GFRA3: variants seen among roughly 807,000 people sequenced by gnomAD.
The protein encoded by GFRA3 is GDNF family receptor alpha 3, also known as GDNF family receptor alpha-3.
GFRA3 carries 24 observed loss-of-function variants against 40.0 expected under a neutral mutation model. The observed-to-expected ratio is 0.60, with a 90% CI of 0.43 to 0.84. The LOEUF (loss-of-function observed/expected upper bound fraction) is 0.84. GFRA3 is among the 40% of genes least tolerant of loss of function. The pLI is 0.00. For synonymous variants in GFRA3, 203 were observed against 213.5 expected (o/e 0.95, Z 0.43); for missense variants, 405 against 530.6 (o/e 0.76, Z 2.33).
intron 1 of GFRA3, among the ~76,000 whole-genome samples, chr5:138,272,757 C>A (rs1193223999): frequency 6.6e-6 from 1 of 152,118 alleles, no homozygotes; most frequent in Non-Finnish European, 1.5e-5. Flanking sequence ...TTTGACAAGT[C>A]ATGCCTTTTC....
At chr5:138,263,084 C>T (rs1366628064) in intron 2 of GFRA3, among the ~76,000 whole-genome samples, 2 of 152,276 alleles carry the variant, frequency 1.3e-5, no homozygotes, top group Admixed American at 1.3e-4. Context: ...CCTGCCTCAG[C>T]TTCCCAAGTA....
At chr5:138,270,793 A>C (rs1176875211) in intron 1 of GFRA3, among the ~76,000 whole-genome samples, 2 of 151,326 alleles carry the variant, frequency 1.3e-5, no homozygotes, top group Non-Finnish European at 2.9e-5. Flanking sequence ...GTACAAGATG[A>C]AAAAAAAAGC....
chr5:138,259,716 C>T (rs1210453668), intron 2 of GFRA3, 67 bp from the exon 3 acceptor site: 8 of 792,864 alleles, frequency 1.0e-5, no homozygotes, highest in Non-Finnish European at 1.9e-5. Flanking sequence ...GGGGCTGAAG[C>T]TGCTGGCTCA....
chr5:138,264,705 A>T (rs1755757268), intron 1 of GFRA3, among the ~76,000 whole-genome samples, 157 bp from the exon 2 acceptor site: 1 of 152,136 alleles, frequency 6.6e-6, no homozygotes, highest in African/African-American at 2.4e-5. Context: ...AGAGAGAGAG[A>T]AGCCCAGCAG....
rs372694044 is a variant in GFRA3 at position 138,257,704 on chromosome 5, C to T, written c.720G>A (p.Ala240=). ...RRRNTIAPNC[A]LPPVAPNCLE... ...GGCAGTTGGGGGCCACAGGCGGCAGCGCGCAGTTGGGGGCGATGGTGTTGC... is the reference window on the plus strand; with the variant it reads ...GGCAGTTGGGGGCCACAGGCGGCAGTGCGCAGTTGGGGGCGATGGTGTTGC... The change falls in exon 4 of 8, where the codon GCG becomes GCA. Residue 240 remains alanine (A), a synonymous_variant. Transcript: ENST00000274721. 2.2e-5 allele frequency: 35 copies of T among 1,609,940 alleles called. No homozygotes were observed. The African/African-American group carries it at 4.4e-4, about 20-fold the overall frequency.
chr5:138,266,364 T>C (rs1012852768), intron 1 of GFRA3, among the ~76,000 whole-genome samples: 1 of 152,206 alleles, frequency 6.6e-6, no homozygotes, highest in African/African-American at 2.4e-5. Context: ...ATTATAACCA[T>C]CCTTGTGAGC....
At chr5:138,259,448 G>A (rs1361663870) in intron 3 of GFRA3, 109 bp downstream of exon 3, 2 of 718,078 alleles carry the variant, frequency 2.8e-6, no homozygotes, top group Non-Finnish European at 5.2e-6. Flanking sequence ...CACCTGGTAG[G>A]CTAGAAACAT....
chr5:138,264,607 C>G lies in GFRA3; in HGVS notation c.92-59G>C. 4 of 1,189,184 alleles carry G rather than the reference C, an allele frequency of 3.4e-6. 1 individual carries two copies. Among genetic ancestry groups the G allele is most frequent in the Non-Finnish European group, 4.8e-6 (4 of 832,632 alleles). 73.7% of individuals were successfully genotyped at this position (1,189,184 alleles called of 1,614,324 possible). ...GATTAGAATAGCTGTCTGGGAATAC[C>G]AAGTCATGAGGTTGGGAGAGGGATA... On this transcript the variant is annotated intron_variant, in intron 1 of 7. Coordinates refer to ENST00000274721, the MANE Select transcript of GFRA3 (RefSeq NM_001496.4).
chr5:138,265,766 C>A (rs1755774915), intron 1 of GFRA3, among the ~76,000 whole-genome samples: 1 of 152,180 alleles, frequency 6.6e-6, no homozygotes, highest in Non-Finnish European at 1.5e-5. Flanking sequence ...ACGATCACAG[C>A]TCACTGCAGC....
Position 138,253,791 on chromosome 5 carries a change from C to A in GFRA3, c.999G>T (p.Gly333=), listed in dbSNP as rs1755585583. ...TGAGGCAGGGGTTGTGGGAGAAGAA[C>A]CCTTCCAGCATTTCACACTCCTCCT... The part of the protein sequence containing the change: ...NLQEECEMLE[G]FFSHNPCLTE... Residue 333 remains glycine (G), a synonymous_variant, in exon 6 of 8, where the codon GGG becomes GGT. Transcript: ENST00000274721. The A allele has an allele frequency of 6.2e-7, 1 of 1,613,882 alleles. No homozygotes were observed. Among genetic ancestry groups the A allele is most frequent in the Admixed American group, 1.7e-5 (1 of 59,976 alleles).
At position 138,257,749 on chromosome 5, in the gene GFRA3, C is replaced by G; in HGVS notation, c.675G>C (p.Arg225=). ...TGTTGCGCCGGCGCTCCCCGCAGCCCCGGTCGTTGGGGGCACATGGGCACA... is the reference window on the plus strand; with the variant it reads ...TGTTGCGCCGGCGCTCCCCGCAGCCGCGGTCGTTGGGGGCACATGGGCACA... ...LLLCPCAPND[R]GCGERRRNTI... is the part of the protein sequence containing the mutation. Residue 225 remains arginine, a synonymous_variant, in exon 4 of 8, where the codon CGG becomes CGC. Transcript: ENST00000274721. The G allele has an allele frequency of 6.2e-7, 1 of 1,610,102 alleles. No individual in the cohort carries two copies.
intron 3 of GFRA3, among the ~76,000 whole-genome samples, chr5:138,259,198 C>T (rs1373992734): frequency 6.6e-6 from 1 of 152,182 alleles, no homozygotes; most frequent in Non-Finnish European, 1.5e-5. Flanking sequence ...TCTTCAGGGA[C>T]AAAAAGGCTA....
Position 138,274,389 on chromosome 5 carries a change from G to T in GFRA3, c.36C>A (p.Pro12=). The change falls in exon 1 of 8, where the codon CCC becomes CCA. Residue 12 remains proline (P), a synonymous_variant. Transcript: ENST00000274721. Reference sequence around the variant, plus strand: ...GCAGCAGCAGCAACATCAGGACTACGGGCGGCAGCGGTCGCGGGTTCAGGG... The same window carrying T: ...GCAGCAGCAGCAACATCAGGACTACTGGCGGCAGCGGTCGCGGGTTCAGGG... The part of the protein sequence containing the change: ...VRPLNPRPLP[P]VVLMLLLLLP... 1 of 1,319,140 alleles carries T rather than the reference G, an allele frequency of 7.6e-7. No homozygotes were observed. Among genetic ancestry groups the T allele is most frequent in the South Asian group, 2.4e-5 (1 of 42,190 alleles). 81.7% of individuals were successfully genotyped at this position (1,319,140 alleles called of 1,614,324 possible). A position where few individuals can be genotyped will look rare whatever the true frequency, so the allele number is the denominator to read the frequency against.
rs770643011 is a variant in GFRA3, at chr5:138,253,917, G to C, written c.890-17C>G. On this transcript the variant is annotated splice_polypyrimidine_tract_variant and intron_variant, in intron 5 of 7. Coordinates refer to ENST00000274721, the MANE Select transcript of GFRA3 (RefSeq NM_001496.4). The stretch of plus-strand genomic sequence containing the variant: ...TGGCAGTCCCTGTGAAGAGGGAAAG[G>C]GTAGTCAAGGCCTAGGCTAACCCTA... The C allele has an allele frequency of 3.1e-6, 5 of 1,611,900 alleles. No individual in the cohort carries two copies. Among genetic ancestry groups the C allele is most frequent in the Non-Finnish European group, 4.2e-6 (5 of 1,178,248 alleles).
chr5:138,264,549 C>T lies in GFRA3; in HGVS notation c.92-1G>A, dbSNP rs1346190852. ...CGGCTTTCTGTGGGAAGGGGGTCTC[C>T]TGTAAAGGGAGATACCAGGTGAGGC... On this transcript the variant is annotated splice_acceptor_variant, in intron 1 of 7. Transcript: ENST00000274721. LOFTEE classifies it high-confidence loss of function. 2 of 1,591,980 alleles carry T rather than the reference C, an allele frequency of 1.3e-6. No individual in the cohort carries two copies. The highest frequency in any genetic ancestry group is 1.7e-6 in the Non-Finnish European group (2 of 1,166,864).
At chr5:138,254,989 G>GAGAGA (rs913300855) in intron 4 of GFRA3, among the ~76,000 whole-genome samples, 6 of 149,630 alleles carry the variant, frequency 4.0e-5, no homozygotes, top group South Asian at 2.2e-4. Context: ...AAGGAGAAAA[G>GAGAGA]AGAGAAGAGA....
At chr5:138,264,196 G>A (rs1228582284) in intron 2 of GFRA3, 65 bp downstream of exon 2, 15 of 1,218,886 alleles carry the variant, frequency 1.2e-5, no homozygotes, top group Non-Finnish European at 1.6e-5. Context: ...TATCCTGCAG[G>A]ATTAAAAAAC....
chr5:138,254,399 C>G (rs768727049), intron 4 of GFRA3, among the ~76,000 whole-genome samples: 5 of 152,036 alleles, frequency 3.3e-5, no homozygotes, highest in Non-Finnish European at 7.4e-5. Flanking sequence ...GTCGGCCAGG[C>G]TGGTCTCAAA....
At chr5:138,269,058 T>G (rs1056209158) in intron 1 of GFRA3, among the ~76,000 whole-genome samples, 2 of 151,792 alleles carry the variant, frequency 1.3e-5, no homozygotes, top group Admixed American at 1.3e-4. Context: ...TCACTCATGA[T>G]CAGTAAAATG....
Sources: allele counts gnomAD v4.1 joint callset (sites outside exome capture counted in the v4.1 genomes callset), GRCh38; gene constraint gnomAD v4.1.1; transcripts MANE v1.5; gene names NCBI Gene and HGNC (gene_info 2026-07-23, HGNC 2026-07-21).